PTPRT: variants seen among roughly 807,000 people sequenced by gnomAD.
The protein encoded by PTPRT is protein tyrosine phosphatase receptor type T.
PTPRT carries 56 observed loss-of-function variants against 176.8 expected under a neutral mutation model. That is an observed-to-expected ratio of 0.32 (90% CI 0.26 to 0.40). The LOEUF is 0.40. PTPRT is among the 10% of genes least tolerant of loss of function. The probability of loss-of-function intolerance (pLI) is 1.00; values close to 1 mark genes in which losing one functional copy is unlikely to be tolerated. For missense variants in PTPRT, 1,540 were observed against 1,908.2 expected (o/e 0.81, Z 3.60); for synonymous variants, 783 against 739.0 (o/e 1.06, Z -0.96).
intron 2 of PTPRT, among the ~76,000 whole-genome samples, chr20:42,829,917 C>A (rs892061895): frequency 6.6e-6 from 1 of 152,090 alleles, no homozygotes; most frequent in Admixed American, 6.6e-5. Flanking sequence ...TATTCCCGAA[C>A]AGACCAATAA....
chr20:43,113,023 T>C (rs2012926876), intron 1 of PTPRT, among the ~76,000 whole-genome samples: 1 of 151,990 alleles, frequency 6.6e-6, no homozygotes. Context: ...GATATAAACG[T>C]ATCTCCTGGG....
intron 19 of PTPRT, among the ~76,000 whole-genome samples, chr20:42,127,613 G>C (rs982834078): frequency 6.6e-6 from 1 of 152,186 alleles, no homozygotes; most frequent in African/African-American, 2.4e-5. Flanking sequence ...AAATACATTT[G>C]AGAGTCTAGG....
chr20:43,091,259 T>C (rs1001388054), intron 1 of PTPRT, among the ~76,000 whole-genome samples: 2 of 151,808 alleles, frequency 1.3e-5, no homozygotes, highest in Admixed American at 6.6e-5. Flanking sequence ...AATCTTCCAA[T>C]GTATGTGTGT....
intron 2 of PTPRT, among the ~76,000 whole-genome samples, chr20:42,833,251 C>G (rs2078123399): frequency 6.7e-6 from 1 of 148,586 alleles, no homozygotes; most frequent in African/African-American, 2.5e-5. Flanking sequence ...ATTATGAAAC[C>G]TCAAAACACT....
At chr20:42,832,906 T>G (rs1410452965) in intron 2 of PTPRT, among the ~76,000 whole-genome samples, 1 of 150,182 alleles carries the variant, frequency 6.7e-6, no homozygotes, top group Non-Finnish European at 1.5e-5. Context: ...GAGTTTGAGA[T>G]CAGCCTGGGC....
At chr20:42,338,698 T>C (rs948042193) in intron 11 of PTPRT, among the ~76,000 whole-genome samples, 25 of 152,302 alleles carry the variant, frequency 1.6e-4, no homozygotes, top group Middle Eastern at 3.4e-3. Context: ...TTTCTAACTC[T>C]GTTTCTCTCT....
At chr20:43,099,951 G>C (rs1038713020) in intron 1 of PTPRT, among the ~76,000 whole-genome samples, 1 of 152,114 alleles carries the variant, frequency 6.6e-6, no homozygotes, top group Non-Finnish European at 1.5e-5. Context: ...ACCTCACATG[G>C]TACCTACATC....
At chr20:42,602,043 G>A (rs542552900) in intron 7 of PTPRT, among the ~76,000 whole-genome samples, 7 of 152,120 alleles carry the variant, frequency 4.6e-5, no homozygotes, top group Non-Finnish European at 7.3e-5. Flanking sequence ...ATAATACAGG[G>A]CTCCATGCCT....
chr20:42,480,817 G>A (rs372906726), intron 7 of PTPRT, among the ~76,000 whole-genome samples: 3 of 152,184 alleles, frequency 2.0e-5, no homozygotes, highest in Admixed American at 6.5e-5. Flanking sequence ...CCCAACAACT[G>A]CATTATTAGA....
chr20:42,794,260 T>G (rs954230883), intron 2 of PTPRT, among the ~76,000 whole-genome samples: 2 of 152,118 alleles, frequency 1.3e-5, no homozygotes, highest in African/African-American at 4.8e-5. Context: ...GGCATGAGTA[T>G]GATGTGTGCC....
chr20:42,613,481 C>T (rs2074009175), intron 7 of PTPRT, among the ~76,000 whole-genome samples: 1 of 152,216 alleles, frequency 6.6e-6, no homozygotes, highest in Non-Finnish European at 1.5e-5. Context: ...CTTGAAACTT[C>T]CCTCTGAGAA....
At chr20:42,972,676 CAAA>C (rs33947245) in intron 1 of PTPRT, among the ~76,000 whole-genome samples, 7 of 77,578 alleles carry the variant, frequency 9.0e-5, no homozygotes, top group African/African-American at 3.0e-4. Flanking sequence ...TCTCAAAAAG[CAAA>C]AAAAAAAAAA....
intron 9 of PTPRT, among the ~76,000 whole-genome samples, chr20:42,369,584 G>A (rs1397585489): frequency 1.3e-5 from 2 of 152,176 alleles, no homozygotes; most frequent in African/African-American, 4.8e-5. Flanking sequence ...GAGCTCAAAG[G>A]CCCAGAGATA....
chr20:42,272,356 CT>C (rs1416933303), intron 13 of PTPRT, among the ~76,000 whole-genome samples: 1 of 151,856 alleles, frequency 6.6e-6, no homozygotes, highest in Non-Finnish European at 1.5e-5. Context: ...ACTATCTGTC[CT>C]TTTACAGAGG....
intron 1 of PTPRT, among the ~76,000 whole-genome samples, chr20:42,887,805 G>T (rs535407551): frequency 5.9e-5 from 9 of 152,186 alleles, no homozygotes; most frequent in African/African-American, 2.2e-4. Context: ...CCAAATGTGC[G>T]TGTTCCCCTT....
chr20:42,612,642 C>G (rs1190666948), intron 7 of PTPRT, among the ~76,000 whole-genome samples: 1 of 152,158 alleles, frequency 6.6e-6, no homozygotes, highest in Admixed American at 6.5e-5. Context: ...AGACAGCTGT[C>G]TGCTCCACAG....
At chr20:42,417,425 G>A (rs1017523421) in intron 9 of PTPRT, among the ~76,000 whole-genome samples, 2 of 151,540 alleles carry the variant, frequency 1.3e-5, no homozygotes, top group Admixed American at 6.6e-5. Context: ...GCCTTGTTTC[G>A]TTGTTTCCCT....
At chr20:43,136,771 T>C (rs2013845911) in intron 1 of PTPRT, among the ~76,000 whole-genome samples, 1 of 152,234 alleles carries the variant, frequency 6.6e-6, no homozygotes, top group Admixed American at 6.5e-5. Context: ...ATAAAATGAA[T>C]TAATTTTCAG....
downstream of PTPRT, among the ~76,000 whole-genome samples, chr20:42,069,950 T>G (rs1267716765): frequency 6.6e-6 from 1 of 152,198 alleles, no homozygotes; most frequent in Non-Finnish European, 1.5e-5. Context: ...TGAATGTCAA[T>G]GATGAGTCCA....
Sources: allele counts gnomAD v4.1 joint callset (sites outside exome capture counted in the v4.1 genomes callset), GRCh38; gene constraint gnomAD v4.1.1; transcripts MANE v1.5; gene names NCBI Gene and HGNC (gene_info 2026-07-23, HGNC 2026-07-21).